Variants in SGCD observed in about 807,000 individuals in gnomAD.
SGCD encodes sarcoglycan delta.
Under a neutral mutation model 36.6 loss-of-function variants are expected in SGCD, and 18 were observed. That is an observed-to-expected ratio of 0.49 (90% CI 0.34 to 0.73). The LOEUF is 0.73. Ranked by LOEUF, SGCD falls within the 30% of genes least tolerant of loss-of-function variation. The pLI, the probability that SGCD is intolerant of heterozygous loss-of-function variation, is 0.01. For synonymous variants in SGCD, 133 were observed against 130.6 expected, an observed-to-expected ratio of 1.02 and a Z score of -0.12; for missense variants, 387 against 346.7, an observed-to-expected ratio of 1.12 and a Z score of -0.92.
At chr5:155,829,399 C>T in the SGCD span, among the ~76,000 whole-genome samples, 1 of 149,776 alleles carries the variant, frequency 6.7e-6, no homozygotes, top group Non-Finnish European at 1.5e-5. Context: ...ATCAGCCTCA[C>T]TAATAATGCC....
At chr5:155,730,445 C>CTGTGTG in the SGCD span, among the ~76,000 whole-genome samples, 797 of 137,078 alleles carry the variant, frequency 5.8e-3, 3 homozygotes, top group Middle Eastern at 7.6e-3. Flanking sequence ...GGTAGAGCAG[C>CTGTGTG]TGTGTGTGTG....
chr5:156,179,313 C>A (rs535431625), intron 3 of SGCD, among the ~76,000 whole-genome samples: 1 of 152,250 alleles, frequency 6.6e-6, no homozygotes, highest in East Asian at 1.9e-4. Flanking sequence ...AGTGCAGCTA[C>A]ATGCAATTTT....
intron 3 of SGCD, among the ~76,000 whole-genome samples, chr5:156,229,866 T>G (rs1764970142): frequency 6.6e-6 from 1 of 152,168 alleles, no homozygotes; most frequent in South Asian, 2.1e-4. Context: ...TTCTTATTCT[T>G]TTTTCTTTGT....
intron 7 of SGCD, among the ~76,000 whole-genome samples, chr5:156,711,204 G>T (rs531748693): frequency 2.6e-5 from 4 of 152,128 alleles, no homozygotes; most frequent in African/African-American, 4.8e-5. Context: ...CAAGAGGGGG[G>T]GTCCATTCAG....
chr5:156,395,108 A>G (rs1035662392), intron 3 of SGCD, among the ~76,000 whole-genome samples: 1 of 152,214 alleles, frequency 6.6e-6, no homozygotes, highest in Non-Finnish European at 1.5e-5. Flanking sequence ...AACAAATGGG[A>G]GAAGCAAGGG....
At chr5:156,654,223 G>T (rs372030913) in intron 7 of SGCD, among the ~76,000 whole-genome samples, 36 of 152,250 alleles carry the variant, frequency 2.4e-4, no homozygotes, top group East Asian at 1.9e-3. Flanking sequence ...GGGGAGATGA[G>T]GAAAATGTAG....
chr5:156,752,525 TGG>T, intron 7 of SGCD, among the ~76,000 whole-genome samples: 1 of 152,228 alleles, frequency 6.6e-6, no homozygotes, highest in Admixed American at 6.5e-5. Context: ...CCCAAGTAGC[TGG>T]GATTACAGGC....
At chr5:155,812,998 C>A in the SGCD span, among the ~76,000 whole-genome samples, 1 of 151,146 alleles carries the variant, frequency 6.6e-6, no homozygotes, top group African/African-American at 2.4e-5. Flanking sequence ...CTTTGGGCAT[C>A]TTATTTTTAG....
At chr5:156,042,227 C>T (rs1759654810) in intron 1 of SGCD, among the ~76,000 whole-genome samples, 1 of 151,758 alleles carries the variant, frequency 6.6e-6, no homozygotes, top group African/African-American at 2.4e-5. Context: ...ACAGAACCTC[C>T]ACATTTTGAG....
intron 3 of SGCD, among the ~76,000 whole-genome samples, chr5:156,448,759 T>TTTTTTG (rs1753861093): frequency 7.6e-6 from 1 of 131,398 alleles, no homozygotes; most frequent in Non-Finnish European, 1.6e-5. Flanking sequence ...TTTTTTTTTT[T>TTTTTTG]GAGACAGAGT....
chr5:156,441,463 C>T (rs1753488536), intron 3 of SGCD, among the ~76,000 whole-genome samples: 1 of 152,094 alleles, frequency 6.6e-6, no homozygotes, highest in Admixed American at 6.6e-5. Context: ...TTATCATTGT[C>T]ATCTATATTG....
chr5:155,872,493 G>A (rs1029041370), intron 1 of SGCD, among the ~76,000 whole-genome samples: 14 of 152,138 alleles, frequency 9.2e-5, no homozygotes, highest in Non-Finnish European at 1.5e-4. Context: ...TAACATTGCT[G>A]TTAAAGAGAC....
chr5:156,357,976 G>A (rs1458341464), intron 3 of SGCD, among the ~76,000 whole-genome samples: 2 of 152,144 alleles, frequency 1.3e-5, no homozygotes, highest in Non-Finnish European at 2.9e-5. Flanking sequence ...GTATTCATGA[G>A]GTAAAGGGTT....
chr5:156,190,194 G>A (rs986999687), intron 3 of SGCD, among the ~76,000 whole-genome samples: 2 of 152,124 alleles, frequency 1.3e-5, no homozygotes, highest in Non-Finnish European at 2.9e-5. Flanking sequence ...TGCTCCATTA[G>A]TAGTAGCAAA....
rs1356609473 is a variant in SGCD, at chr5:156,724,656, AGCTTT to A, written c.576-32924_576-32920del. Reference sequence around the variant, plus strand: ...TAACTAGATATTATTCTAGTGGTTCAGCTTTCTAAAGACTTATTATGGTGGTTGTT... The same window carrying A: ...TAACTAGATATTATTCTAGTGGTTCACTAAAGACTTATTATGGTGGTTGTT... On this transcript the variant is annotated intron_variant, in intron 7 of 8. Transcript: ENST00000337851. Among the ~76,000 whole-genome samples the A allele has an allele frequency of 3.1e-4, 47 of 152,150 alleles. 1 individual carries two copies. Among genetic ancestry groups the A allele is most frequent in the Non-Finnish European group, 5.9e-5 (4 of 68,022 alleles).
chr5:156,149,945 A>G (rs142930208), intron 3 of SGCD, among the ~76,000 whole-genome samples: 1 of 152,336 alleles, frequency 6.6e-6, no homozygotes, highest in Admixed American at 6.5e-5. Context: ...CTTGAAAACC[A>G]GTGCCTTTTT....
intron 3 of SGCD, among the ~76,000 whole-genome samples, chr5:156,353,224 T>C (rs1300917690): frequency 1.3e-5 from 2 of 152,182 alleles, no homozygotes; most frequent in Non-Finnish European, 2.9e-5. Context: ...AATATGTTTA[T>C]TGAATAAATG....
the SGCD span, among the ~76,000 whole-genome samples, chr5:155,728,795 G>A: frequency 6.6e-6 from 1 of 152,120 alleles, no homozygotes; most frequent in Non-Finnish European, 1.5e-5. Context: ...AGACCTGGGA[G>A]CGATGCGCCC....
At chr5:155,920,346 G>A (rs1756849164) in intron 1 of SGCD, among the ~76,000 whole-genome samples, 2 of 152,176 alleles carry the variant, frequency 1.3e-5, no homozygotes, top group South Asian at 4.1e-4. Context: ...GCAACTAGAA[G>A]GATGATGGTG....
Sources: gnomAD v4.1 joint callset for allele counts (sites outside exome capture counted in the v4.1 genomes callset) on GRCh38, gnomAD v4.1.1 for gene constraint, MANE v1.5 for transcripts, NCBI Gene and HGNC (gene_info 2026-07-23, HGNC 2026-07-21) for gene names.